BABAM2: variants seen among roughly 807,000 people sequenced by gnomAD.
BABAM2 encodes BRISC and BRCA1 A complex member 2, also known as BRISC and BRCA1-A complex member 2.
BABAM2 carries 31 observed loss-of-function variants against 54.7 expected under a neutral mutation model. That is an observed-to-expected ratio of 0.57 (90% CI 0.43 to 0.77). The LOEUF (loss-of-function observed/expected upper bound fraction) is 0.77. Ranked by LOEUF, BABAM2 falls within the 30% of genes least tolerant of loss-of-function variation. The probability of loss-of-function intolerance (pLI) is 0.00; values close to 1 mark genes in which losing one functional copy is unlikely to be tolerated. For missense variants in BABAM2, 364 were observed against 455.8 expected, an observed-to-expected ratio of 0.80 and a Z score of 1.83; for synonymous variants, 167 against 162.9, an observed-to-expected ratio of 1.03 and a Z score of -0.19.
intron 8 of BABAM2, 40 bp downstream of exon 8, chr2:28,237,341 C>T: frequency 6.4e-7 from 1 of 1,558,330 alleles, no homozygotes; most frequent in Admixed American, 1.7e-5. Flanking sequence ...TATGAGATTT[C>T]TTCCTCCAGT....
At chr2:27,907,698 C>G (rs1280697661) in intron 2 of BABAM2, among the ~76,000 whole-genome samples, 1 of 152,160 alleles carries the variant, frequency 6.6e-6, no homozygotes, top group African/African-American at 2.4e-5. Flanking sequence ...TTTCCCCCAG[C>G]TACTGGCAGC....
intron 7 of BABAM2, among the ~76,000 whole-genome samples, chr2:28,183,535 G>A (rs1011157476): frequency 1.3e-5 from 2 of 152,108 alleles, no homozygotes; most frequent in Non-Finnish European, 2.9e-5. Flanking sequence ...GCTGCCCAGT[G>A]GGACAGATGA....
rs532010188 is a variant in BABAM2, at chr2:28,326,146, C to T, written c.1089-12304C>T. 1.8e-4 allele frequency among the ~76,000 whole-genome samples: 28 copies of T among 152,260 alleles called. No homozygotes were observed. In the East Asian group the frequency reaches 4.6e-3, roughly 25 times the overall value. ...GGTCACCCTTTGGTTTTTCCCCTTT[C>T]GATGACTAAAAAGTGGAGGGTAATC... On this transcript the variant is annotated intron_variant, in intron 11 of 11. Coordinates refer to ENST00000379624, the MANE Select transcript of BABAM2 (RefSeq NM_199191.3).
intron 3 of BABAM2, among the ~76,000 whole-genome samples, chr2:27,963,603 G>A (rs764563243): frequency 1.3e-5 from 2 of 151,780 alleles, no homozygotes; most frequent in African/African-American, 2.4e-5. Flanking sequence ...ATAGAAGCAA[G>A]TTATACCAAA....
chr2:28,249,300 G>A (rs1223084154), intron 10 of BABAM2, among the ~76,000 whole-genome samples: 4 of 151,972 alleles, frequency 2.6e-5, no homozygotes, highest in Non-Finnish European at 5.9e-5. Flanking sequence ...CGTTACCCAG[G>A]CTGATCTTGA....
At chr2:28,051,874 T>G (rs1216468569) in intron 6 of BABAM2, among the ~76,000 whole-genome samples, 1 of 152,094 alleles carries the variant, frequency 6.6e-6, no homozygotes, top group Non-Finnish European at 1.5e-5. Context: ...GGTCTTGAAC[T>G]TCTGACCTCA....
chr2:28,008,900 G>T (rs1055741171), intron 4 of BABAM2, among the ~76,000 whole-genome samples: 1 of 152,118 alleles, frequency 6.6e-6, no homozygotes, highest in African/African-American at 2.4e-5. Flanking sequence ...CCCTGGATAT[G>T]GGCAGCTCTG....
chr2:27,929,183 T>C (rs1352196940), intron 2 of BABAM2, among the ~76,000 whole-genome samples: 1 of 151,842 alleles, frequency 6.6e-6, no homozygotes, highest in African/African-American at 2.4e-5. Context: ...ACCAATGCAC[T>C]CCAGCCTGGG....
At chr2:28,298,637 TCTTTA>T in intron 11 of BABAM2, 146 bp downstream of exon 11, 1 of 1,001,128 alleles carries the variant, frequency 1.0e-6, no homozygotes. Context: ...AACACCCATT[TCTTTA>T]CTTATTATCT....
chr2:28,300,159 G>A (rs1464287918), intron 11 of BABAM2, among the ~76,000 whole-genome samples: 2 of 152,008 alleles, frequency 1.3e-5, no homozygotes, highest in Non-Finnish European at 2.9e-5. Context: ...GGCTGGTCTC[G>A]GACTCCTGAC....
At chr2:28,165,205 G>A (rs983054768) in intron 7 of BABAM2, among the ~76,000 whole-genome samples, 14 of 152,162 alleles carry the variant, frequency 9.2e-5, no homozygotes, top group African/African-American at 3.4e-4. Flanking sequence ...TAATAGTAGG[G>A]TGTTCAAGTT....
At chr2:27,983,321 T>A (rs191632695) in intron 3 of BABAM2, among the ~76,000 whole-genome samples, 42 of 152,268 alleles carry the variant, frequency 2.8e-4, no homozygotes, top group African/African-American at 9.9e-4. Context: ...TTCTGTTCCA[T>A]TGATCTGTAT....
intron 11 of BABAM2, among the ~76,000 whole-genome samples, chr2:28,323,818 T>A (rs142994805): frequency 6.6e-6 from 1 of 152,344 alleles, no homozygotes; most frequent in Non-Finnish European, 1.5e-5. Context: ...TTGTGGTCCC[T>A]CACATGTCAC....
At chr2:27,891,442 C>T (rs1323075023) in intron 1 of BABAM2, among the ~76,000 whole-genome samples, 1 of 152,092 alleles carries the variant, frequency 6.6e-6, no homozygotes, top group South Asian at 2.1e-4. Context: ...GGTAGCAGAC[C>T]CTTGCAAAAA....
intron 7 of BABAM2, among the ~76,000 whole-genome samples, chr2:28,136,726 T>G (rs1247657509): frequency 1.3e-5 from 2 of 152,046 alleles, no homozygotes; most frequent in Non-Finnish European, 2.9e-5. Context: ...GTCTCCAGCC[T>G]CCCCTCCCCT....
At chr2:27,902,954 T>C (rs1033025567) in intron 2 of BABAM2, among the ~76,000 whole-genome samples, 1 of 151,428 alleles carries the variant, frequency 6.6e-6, no homozygotes, top group Admixed American at 6.6e-5. Flanking sequence ...AGAAAGAGAG[T>C]TTTAAGAAAT....
chr2:28,077,979 C>G (rs1306656582), intron 6 of BABAM2, among the ~76,000 whole-genome samples: 1 of 152,096 alleles, frequency 6.6e-6, no homozygotes, highest in Non-Finnish European at 1.5e-5. Flanking sequence ...TTTCCACTTT[C>G]TGGGATTTCA....
intron 7 of BABAM2, among the ~76,000 whole-genome samples, chr2:28,191,796 G>A (rs1203425276): frequency 6.6e-6 from 1 of 152,120 alleles, no homozygotes; most frequent in Non-Finnish European, 1.5e-5. Context: ...AAGAGTAAGA[G>A]GAAACTTAGG....
At chr2:28,151,413 T>C (rs1223164858) in intron 7 of BABAM2, among the ~76,000 whole-genome samples, 1 of 151,856 alleles carries the variant, frequency 6.6e-6, no homozygotes, top group Non-Finnish European at 1.5e-5. Context: ...CTACTAAAAA[T>C]ACAAAAAATT....
Sources: gnomAD v4.1 joint callset for allele counts (sites outside exome capture counted in the v4.1 genomes callset) on GRCh38, gnomAD v4.1.1 for gene constraint, MANE v1.5 for transcripts, NCBI Gene and HGNC (gene_info 2026-07-23, HGNC 2026-07-21) for gene names.